The following SV2C variants were observed in gnomAD, a reference collection of about 807,000 sequenced individuals.
SV2C encodes the protein synaptic vesicle glycoprotein 2C.
SV2C carries 49 observed loss-of-function variants against 79.7 expected under a neutral mutation model. The ratio of observed to expected loss-of-function variants is 0.61; its 90% confidence interval spans 0.49 to 0.78. The LOEUF is 0.78. Among genes scored for constraint, SV2C ranks in the 30% least tolerant of loss-of-function variants. The pLI is 0.00. For missense variants in SV2C, 833 were observed against 912.9 expected, an observed-to-expected ratio of 0.91 and a Z score of 1.13; for synonymous variants, 334 against 333.2, an observed-to-expected ratio of 1.00 and a Z score of -0.03.
chr5:75,901,981 T>C, the SV2C span, among the ~76,000 whole-genome samples: 1 of 152,304 alleles, frequency 6.6e-6, no homozygotes, highest in African/African-American at 2.4e-5. Flanking sequence ...ATTTTCCAGG[T>C]GCCGTCTGTC....
At chr5:76,309,763 A>C (rs1031773549) in intron 12 of SV2C, among the ~76,000 whole-genome samples, 2 of 149,822 alleles carry the variant, frequency 1.3e-5, no homozygotes, top group Non-Finnish European at 3.0e-5. Flanking sequence ...TTGTCAAAGA[A>C]AGATGATTCC....
intron 5 of SV2C, 35 bp downstream of exon 5, chr5:76,285,330 A>T (rs1405800810): frequency 6.2e-7 from 1 of 1,607,974 alleles, no homozygotes. Context: ...CAGGTAGCCC[A>T]CCTCTATTGG....
the SV2C span, among the ~76,000 whole-genome samples, chr5:75,914,695 C>T: frequency 7.2e-5 from 11 of 152,274 alleles, no homozygotes; most frequent in African/African-American, 2.6e-4. Context: ...ATTTTGGGTA[C>T]ATATTATAAT....
chr5:76,022,691 G>A, the SV2C span, among the ~76,000 whole-genome samples: 1 of 152,180 alleles, frequency 6.6e-6, no homozygotes, highest in Non-Finnish European at 1.5e-5. Flanking sequence ...TTTTGGTTTT[G>A]TTGATAGTTT....
chr5:76,089,288 C>A (rs530903064), intron 1 of SV2C, among the ~76,000 whole-genome samples: 1 of 152,326 alleles, frequency 6.6e-6, no homozygotes, highest in South Asian at 2.1e-4. Context: ...ATTTGGCGTT[C>A]TGTTCCTGCA....
the SV2C span, among the ~76,000 whole-genome samples, chr5:76,033,519 G>T: frequency 1.3e-5 from 2 of 152,160 alleles, no homozygotes; most frequent in Non-Finnish European, 2.9e-5. Flanking sequence ...TTTCCCCATT[G>T]CTTATTTTTC....
At chr5:76,066,486 A>G in the SV2C span, among the ~76,000 whole-genome samples, 9 of 150,180 alleles carry the variant, frequency 6.0e-5, no homozygotes, top group Non-Finnish European at 1.0e-4. Context: ...GGAAAGCATT[A>G]GGAGACATAC....
chr5:76,295,433 G>C (rs538328706), intron 8 of SV2C, among the ~76,000 whole-genome samples: 1 of 152,214 alleles, frequency 6.6e-6, no homozygotes, highest in East Asian at 1.9e-4. Flanking sequence ...TATTATACTG[G>C]GGTTTAAGTT....
rs556068473 is a variant in SV2C at position 76,245,226 on chromosome 5, C to A, written c.913+35339C>A. 1.5e-3 allele frequency among the ~76,000 whole-genome samples: 229 copies of A among 152,182 alleles called. 1 individual carries two copies. The highest frequency in any genetic ancestry group is 5.3e-3 in the African/African-American group (222 of 41,522). ...AGCTGTCACTGTTAATTCCTCAATG[C>A]CAGATTCCCAATAAATTTTGTAGGA... is the stretch of plus-strand genomic sequence containing the variant. On this transcript the variant is annotated intron_variant, in intron 4 of 12. Transcript: ENST00000502798.
At position 76,121,801 on chromosome 5, in the gene SV2C, G is replaced by A. The variant is rs563866545; in HGVS notation, c.-101-9849G>A. On this transcript the variant is annotated intron_variant, in intron 1 of 12. Transcript: ENST00000502798. ...GTAGTATAGTTTGAAGTCAGGTAGCGTGATGCCTCCAGCTTTGTTCTTTTG... is the reference window on the plus strand; with the variant it reads ...GTAGTATAGTTTGAAGTCAGGTAGCATGATGCCTCCAGCTTTGTTCTTTTG... Among the ~76,000 whole-genome samples, 799 of 151,694 alleles carry A rather than the reference G, an allele frequency of 5.3e-3. 5 individuals are homozygous for A. The highest frequency in any genetic ancestry group is 0.017 in the Middle Eastern group (5 of 294).
At chr5:76,069,274 C>T in the SV2C span, among the ~76,000 whole-genome samples, 2 of 152,298 alleles carry the variant, frequency 1.3e-5, no homozygotes, top group East Asian at 3.9e-4. Flanking sequence ...TCCAGGCCAT[C>T]TGTCTGACTT....
At chr5:76,136,395 C>A (rs1396597718) in intron 2 of SV2C, among the ~76,000 whole-genome samples, 1 of 152,180 alleles carries the variant, frequency 6.6e-6, no homozygotes, top group African/African-American at 2.4e-5. Context: ...TGAGTACCAA[C>A]TCTGAGCCAG....
chr5:76,034,644 G>T, the SV2C span, among the ~76,000 whole-genome samples: 4 of 152,124 alleles, frequency 2.6e-5, no homozygotes, highest in South Asian at 4.2e-4. Flanking sequence ...TGCTGGATTT[G>T]GTTTGCCAGT....
At chr5:76,323,686 C>T (rs1748899471) in intron 12 of SV2C, among the ~76,000 whole-genome samples, 2 of 152,186 alleles carry the variant, frequency 1.3e-5, no homozygotes, top group Non-Finnish European at 2.9e-5. Flanking sequence ...TACATGTACA[C>T]CATGGAATAC....
At chr5:76,353,029 T>C (rs1472743770) in intron 12 of SV2C, 2 of 431,954 alleles carry the variant, frequency 4.6e-6, no homozygotes, top group Non-Finnish European at 9.3e-6. Flanking sequence ...ACTATAATCT[T>C]AACTGGGCTC....
In SV2C at chr5:76,102,972, A is replaced by G. The variant is rs12658475; in HGVS notation, c.-102+19460A>G. 4.6e-5 allele frequency among the ~76,000 whole-genome samples: 7 copies of G among 152,262 alleles called. No homozygotes were observed. The East Asian group carries it at 1.2e-3, about 25-fold the overall frequency. ...TTTTGTTTTTTTATTAGTTTTGTTC[A>G]TTAATATTCTATTGGACGTTGACAA... On this transcript the variant is annotated intron_variant, in intron 1 of 12. Coordinates refer to ENST00000502798, the MANE Select transcript of SV2C (RefSeq NM_014979.4).
chr5:76,277,839 A>T (rs1008098915), intron 4 of SV2C, among the ~76,000 whole-genome samples: 3 of 151,878 alleles, frequency 2.0e-5, no homozygotes, highest in African/African-American at 7.3e-5. Context: ...AACTATAGGG[A>T]CAGACAAGAG....
chr5:75,938,748 G>A, the SV2C span, among the ~76,000 whole-genome samples: 3 of 152,084 alleles, frequency 2.0e-5, no homozygotes, highest in Non-Finnish European at 4.4e-5. Context: ...TTGACAACCT[G>A]TATGCTTACG....
rs555662404 is a variant in SV2C at position 76,106,542 on chromosome 5, T to G, written c.-102+23030T>G. On this transcript the variant is annotated intron_variant, in intron 1 of 12. Coordinates refer to ENST00000502798, the MANE Select transcript of SV2C (RefSeq NM_014979.4). Reference sequence around the variant, plus strand: ...ATCCTATGACCCCTTCTTACATTTCTGGGCTCATCTTCTGCTCTTCTCTTT... The same window carrying G: ...ATCCTATGACCCCTTCTTACATTTCGGGGCTCATCTTCTGCTCTTCTCTTT... Among the ~76,000 whole-genome samples, 3 of 152,352 alleles carry G rather than the reference T, an allele frequency of 2.0e-5. No homozygotes were observed. The East Asian group carries it at 5.8e-4, about 29-fold the overall frequency.
Sources: allele counts gnomAD v4.1 joint callset (sites outside exome capture counted in the v4.1 genomes callset), GRCh38; gene constraint gnomAD v4.1.1; transcripts MANE v1.5; gene names NCBI Gene and HGNC (gene_info 2026-07-23, HGNC 2026-07-21).